The following LPP variants were observed in gnomAD, a reference collection of about 807,000 sequenced individuals.
LPP encodes LIM domain containing preferred translocation partner in lipoma.
LPP carries 38 observed loss-of-function variants against 60.4 expected under a neutral mutation model. That is an observed-to-expected ratio of 0.63 (90% CI 0.49 to 0.83). The LOEUF (loss-of-function observed/expected upper bound fraction) is 0.83, where lower values mean the gene tolerates loss of function less well. LPP is among the 40% of genes least tolerant of loss of function. The pLI is 0.00. For synonymous variants in LPP, 328 were observed against 290.8 expected, an observed-to-expected ratio of 1.13 and a Z score of -1.30; for missense variants, 902 against 783.6, an observed-to-expected ratio of 1.15 and a Z score of -1.80.
At position 188,740,545 on chromosome 3, in the gene LPP, A is replaced by G. The variant is rs189770463; in HGVS notation, c.1241-19568A>G. 1.1e-3 allele frequency among the ~76,000 whole-genome samples: 169 copies of G among 152,156 alleles called. 4 individuals are homozygous for G. In the East Asian group the frequency reaches 0.027, roughly 24 times the overall value. On this transcript the variant is annotated intron_variant, in intron 8 of 11. Transcript: ENST00000617246. The stretch of plus-strand genomic sequence containing the variant: ...TTAGTGAAGAACATTCTTTTATAAG[A>G]AGTGCTTTATACTTCAGAACCTCAT...
chr3:188,746,389 A>G (rs1193760881), intron 8 of LPP: 9 of 464,224 alleles, frequency 1.9e-5, no homozygotes, highest in African/African-American at 1.4e-4. Context: ...AACAATCTAC[A>G]GGTTAATTAG....
intron 9 of LPP, among the ~76,000 whole-genome samples, chr3:188,762,506 T>C (rs893630886): frequency 1.3e-5 from 2 of 151,962 alleles, no homozygotes; most frequent in South Asian, 2.2e-4. Context: ...CATTTTTACA[T>C]GTTTGCTTGC....
intron 9 of LPP, among the ~76,000 whole-genome samples, chr3:188,800,175 CTTT>C (rs35258838): frequency 0.24 from 27,236 of 115,646 alleles, 2,899 homozygotes; most frequent in East Asian, 0.46. Context: ...AACATTGTTT[CTTT>C]TTTTTTTTTT....
intron 8 of LPP, among the ~76,000 whole-genome samples, chr3:188,752,912 C>T (rs1343386366): frequency 1.3e-5 from 2 of 152,202 alleles, no homozygotes; most frequent in South Asian, 2.1e-4. Context: ...CCTGATTCGC[C>T]ACCTGTGGTA....
At chr3:188,613,513 T>G (rs1844266169) in intron 7 of LPP, among the ~76,000 whole-genome samples, 1 of 152,078 alleles carries the variant, frequency 6.6e-6, no homozygotes, top group African/African-American at 2.4e-5. Flanking sequence ...TGCTACATAA[T>G]GTGTAGAAGT....
rs142440221 is a variant in LPP, at chr3:188,692,890, G to A, written c.1114-15377G>A. Among the ~76,000 whole-genome samples the A allele has an allele frequency of 4.6e-5, 7 of 152,306 alleles. No individual in the cohort carries two copies. The East Asian group carries it at 1.2e-3, about 25-fold the overall frequency. On this transcript the variant is annotated intron_variant, in intron 7 of 11. Transcript: ENST00000617246. The stretch of plus-strand genomic sequence containing the variant: ...GAAGCACTGGAGGCTGAGTTCATAC[G>A]TTCAGCATTGTCAGCAGAATTGAGT...
chr3:188,612,084 T>A (rs896045357), intron 7 of LPP, among the ~76,000 whole-genome samples: 4 of 152,252 alleles, frequency 2.6e-5, no homozygotes, highest in African/African-American at 9.6e-5. Context: ...GTAGATTTCA[T>A]GTTATTTTTA....
chr3:188,653,162 A>G (rs925609783), intron 7 of LPP, among the ~76,000 whole-genome samples: 3 of 152,354 alleles, frequency 2.0e-5, no homozygotes, highest in East Asian at 1.9e-4. Context: ...GAATCAGACT[A>G]CAAAGATTCT....
chr3:188,609,170 G>C lies in LPP; in HGVS notation c.439G>C (p.Gly147Arg). 1.2e-6 allele frequency: 2 copies of C among 1,604,730 alleles called. No individual in the cohort carries two copies. Among genetic ancestry groups the C allele is most frequent in the Non-Finnish European group, 1.7e-6 (2 of 1,174,306 alleles). Residue 147 changes from glycine (G) to arginine (R), a missense_variant, in exon 7 of 12, where the codon GGT (glycine) becomes CGT (arginine). Physicochemically the swap from Gly to Arg is moderately radical, Grantham distance 125 (BLOSUM62 -2). Coordinates refer to ENST00000617246, the MANE Select transcript of LPP (RefSeq NM_001375462.1). This position sits in a 1 kb window ranked among gnomAD's most constrained non-coding sequence, Gnocchi z 6.9. ...YKPRPPQSST[G>R]STASPPVSTP... ...TTCCTATTCTTTTTAGAGCTCCACT[G>C]GTTCAACAGCCTCTCCTCCAGTTTC...
chr3:188,871,508 A>T (rs1265831833), intron 10 of LPP, among the ~76,000 whole-genome samples: 4 of 152,200 alleles, frequency 2.6e-5, no homozygotes, highest in Non-Finnish European at 5.9e-5. Flanking sequence ...CTACATATAG[A>T]ATATAATGTA....
At chr3:188,363,649 G>A (rs1012894179) in intron 3 of LPP, among the ~76,000 whole-genome samples, 1 of 152,152 alleles carries the variant, frequency 6.6e-6, no homozygotes, top group Non-Finnish European at 1.5e-5. Flanking sequence ...GCTCAAGCCT[G>A]TAATCCCAGC....
intron 9 of LPP, among the ~76,000 whole-genome samples, chr3:188,855,222 A>T (rs1218145175): frequency 1.3e-5 from 2 of 152,252 alleles, no homozygotes; most frequent in African/African-American, 2.4e-5. Context: ...TAGAATAAAG[A>T]ACAGAAAAGT....
At chr3:188,856,255 G>A (rs557475843) in intron 9 of LPP, among the ~76,000 whole-genome samples, 4 of 152,114 alleles carry the variant, frequency 2.6e-5, no homozygotes, top group African/African-American at 9.7e-5. Context: ...GGCATTCCAG[G>A]TATGTAAACT....
At chr3:188,677,929 C>T (rs1050505489) in intron 7 of LPP, among the ~76,000 whole-genome samples, 2 of 151,922 alleles carry the variant, frequency 1.3e-5, no homozygotes, top group South Asian at 2.1e-4. Context: ...TGACAGAGGA[C>T]GCTGATACTT....
intron 2 of LPP, among the ~76,000 whole-genome samples, chr3:188,306,113 C>T (rs1276421577): frequency 6.6e-6 from 1 of 152,162 alleles, no homozygotes; most frequent in Non-Finnish European, 1.5e-5. Flanking sequence ...CGTAGTCTCA[C>T]TCTTTCACCT....
At chr3:188,390,654 T>C (rs1779480401) in intron 3 of LPP, among the ~76,000 whole-genome samples, 1 of 151,612 alleles carries the variant, frequency 6.6e-6, no homozygotes. Flanking sequence ...AAACTCCTTC[T>C]CATTTATGAG....
chr3:188,423,881 C>CT (rs72596910), intron 4 of LPP, among the ~76,000 whole-genome samples: 24,484 of 151,260 alleles, frequency 0.16, 2,467 homozygotes, highest in Middle Eastern at 0.28. Flanking sequence ...AGATTGCACG[C>CT]TTTTTTTTCC....
chr3:188,811,436 A>G (rs1750958384), intron 9 of LPP, among the ~76,000 whole-genome samples: 1 of 152,104 alleles, frequency 6.6e-6, no homozygotes, highest in Non-Finnish European at 1.5e-5. Flanking sequence ...GGGGAAATCA[A>G]TAAAAGCATA....
chr3:188,711,320 CAT>C (rs1191098007), intron 8 of LPP: 1 of 152,122 alleles, frequency 6.6e-6, no homozygotes, highest in East Asian at 1.9e-4. Context: ...TATAGGAAAA[CAT>C]AACCCTGTGA....
Sources: allele counts gnomAD v4.1 joint callset (sites outside exome capture counted in the v4.1 genomes callset), GRCh38; gene constraint gnomAD v4.1.1; non-coding constraint Gnocchi (gnomAD v3.1); transcripts MANE v1.5; gene names NCBI Gene and HGNC (gene_info 2026-07-23, HGNC 2026-07-21).